MGAT5B: variants seen among roughly 807,000 people sequenced by gnomAD.
MGAT5B encodes alpha-1,6-mannosylglycoprotein 6-beta-N-acetylglucosaminyltransferase B.
A neutral mutation model predicts 95.1 loss-of-function variants in MGAT5B; 54 were observed. The observed-to-expected ratio is 0.57, with a 90% CI of 0.46 to 0.71. The LOEUF (loss-of-function observed/expected upper bound fraction) is 0.71, where lower values mean the gene tolerates loss of function less well. Among genes scored for constraint, MGAT5B ranks in the 30% least tolerant of loss-of-function variants. The probability of loss-of-function intolerance (pLI) is 0.00; values close to 1 mark genes in which losing one functional copy is unlikely to be tolerated. For synonymous variants in MGAT5B, 464 were observed against 451.0 expected (o/e 1.03, Z -0.36); for missense variants, 935 against 1,088.6 (o/e 0.86, Z 1.99).
intron 3 of MGAT5B, among the ~76,000 whole-genome samples, chr17:76,899,200 T>C (rs966495829): frequency 3.3e-5 from 5 of 152,178 alleles, no homozygotes; most frequent in Non-Finnish European, 4.4e-5. Context: ...GTTTGTGCCC[T>C]GGGGTCTCTG....
At chr17:76,891,967 G>C (rs1239717526) in intron 3 of MGAT5B, among the ~76,000 whole-genome samples, 5 of 152,176 alleles carry the variant, frequency 3.3e-5, no homozygotes, top group Non-Finnish European at 4.4e-5. Flanking sequence ...AGGGCAGGGG[G>C]CTTCCTGGAG....
chr17:76,933,249 G>T, intron 11 of MGAT5B, 43 bp from the exon 12 acceptor site: 1 of 1,597,974 alleles, frequency 6.3e-7, no homozygotes, highest in Non-Finnish European at 8.5e-7. Context: ...CTAACCTGCT[G>T]TCTCTCTCTC....
chr17:76,948,895 AAG>A lies in MGAT5B; in HGVS notation c.*58_*59del. 6.7e-7 allele frequency: 1 copy of A among 1,493,792 alleles called. No homozygotes were observed. The highest frequency in any genetic ancestry group is 9.0e-7 in the Non-Finnish European group (1 of 1,113,114). The allele number at this position is 1,493,792 out of a possible 1,614,324, so 92.5% of individuals were successfully genotyped here. On this transcript the variant is annotated 3_prime_UTR_variant, in exon 18 of 18. Coordinates refer to ENST00000569840, the MANE Select transcript of MGAT5B (RefSeq NM_001199172.2). Reference sequence around the variant, plus strand: ...GCTGGCTCTCTCCTGCCGCGGGAGAAAGCACCAGCAGGTTCTGAGCCCTGGCT... The same window carrying A: ...GCTGGCTCTCTCCTGCCGCGGGAGAACACCAGCAGGTTCTGAGCCCTGGCT...
chr17:76,941,051 A>C (rs1328931792), intron 15 of MGAT5B, among the ~76,000 whole-genome samples: 3 of 152,184 alleles, frequency 2.0e-5, no homozygotes, highest in Admixed American at 2.0e-4. Context: ...CCATTCATCT[A>C]CTCAGGTGTG....
At chr17:76,873,663 C>CT (rs138270634) in intron 2 of MGAT5B, among the ~76,000 whole-genome samples, 11,150 of 152,294 alleles carry the variant, frequency 0.073, 507 homozygotes, top group South Asian at 0.18. Flanking sequence ...GGGAGCCCTC[C>CT]TCCTGAAGCT....
chr17:76,885,955 A>G (rs889780835), intron 3 of MGAT5B, among the ~76,000 whole-genome samples: 9 of 152,182 alleles, frequency 5.9e-5, no homozygotes, highest in Non-Finnish European at 1.3e-4. Flanking sequence ...GTGGCTTAAA[A>G]AAAACACGTC....
intron 3 of MGAT5B, among the ~76,000 whole-genome samples, chr17:76,884,812 C>T (rs1175320446): frequency 6.6e-6 from 1 of 152,100 alleles, no homozygotes; most frequent in African/African-American, 2.4e-5. Context: ...CCATGTTGGC[C>T]AGGATGGTCT....
At chr17:76,880,782 T>C (rs1967382751) in intron 2 of MGAT5B, among the ~76,000 whole-genome samples, 1 of 152,142 alleles carries the variant, frequency 6.6e-6, no homozygotes, top group Non-Finnish European at 1.5e-5. Flanking sequence ...AGGGCTAAGG[T>C]TGGGCGCCCG....
At chr17:76,935,022 A>C (rs934380309) in intron 12 of MGAT5B, among the ~76,000 whole-genome samples, 1 of 152,182 alleles carries the variant, frequency 6.6e-6, no homozygotes, top group Non-Finnish European at 1.5e-5. Flanking sequence ...CTTTGTGCTA[A>C]GCGGGTCTGT....
At chr17:76,886,111 A>G (rs190945863) in intron 3 of MGAT5B, among the ~76,000 whole-genome samples, 4 of 152,346 alleles carry the variant, frequency 2.6e-5, no homozygotes, top group African/African-American at 9.6e-5. Flanking sequence ...GCATCGTATT[A>G]TGTATCCTCA....
chr17:76,912,761 G>A lies in MGAT5B; in HGVS notation c.1025+6574G>A, dbSNP rs1461556787. ...ACGAGGGAGCCGTGCGCTCTGTGAT[G>A]AGACTGCAGCAAGGTGATGTCAGCC... On this transcript the variant is annotated intron_variant, in intron 8 of 17. Transcript: ENST00000569840. This position sits in a 1 kb window ranked among gnomAD's most constrained non-coding sequence, Gnocchi z 5.0. Among the ~76,000 whole-genome samples the A allele has an allele frequency of 6.6e-6, 1 of 152,180 alleles. No individual in the cohort carries two copies. The highest frequency in any genetic ancestry group is 1.5e-5 in the Non-Finnish European group (1 of 68,046).
At chr17:76,901,129 G>A (rs1022922526) in intron 3 of MGAT5B, among the ~76,000 whole-genome samples, 1 of 152,210 alleles carries the variant, frequency 6.6e-6, no homozygotes, top group Admixed American at 6.5e-5. Context: ...CTTAGGAAAG[G>A]TGGAGGTGGG....
chr17:76,909,398 C>T (rs895106305), intron 8 of MGAT5B, among the ~76,000 whole-genome samples: 1 of 152,210 alleles, frequency 6.6e-6, no homozygotes, highest in African/African-American at 2.4e-5. Context: ...CCTTCAGGGC[C>T]CCAGAACTGT....
chr17:76,890,545 C>T (rs2145155817), intron 3 of MGAT5B, among the ~76,000 whole-genome samples: 1 of 152,292 alleles, frequency 6.6e-6, no homozygotes, highest in Non-Finnish European at 1.5e-5. Context: ...CCTCTGTTGC[C>T]CAGACTGGAG....
At chr17:76,880,746 T>TGAGA (rs1967381356) in intron 2 of MGAT5B, among the ~76,000 whole-genome samples, 1 of 151,958 alleles carries the variant, frequency 6.6e-6, no homozygotes, top group African/African-American at 2.4e-5. Flanking sequence ...TGCAGTGTGT[T>TGAGA]CTACATGGTC....
At position 76,917,692 on chromosome 17, in the gene MGAT5B, A is replaced by C. The variant is rs1282148469; in HGVS notation, c.1026-7274A>C. ...GGGATTGACAGCGGAGTCTTACCCCAAGGTCCCTGCACAGGTTGGTTCTCA... is the reference window on the plus strand; with the variant it reads ...GGGATTGACAGCGGAGTCTTACCCCCAGGTCCCTGCACAGGTTGGTTCTCA... On this transcript the variant is annotated intron_variant, in intron 8 of 17. Transcript: ENST00000569840. This position sits in a 1 kb window ranked among gnomAD's most constrained non-coding sequence, Gnocchi z 6.1. Among the ~76,000 whole-genome samples, 1 of 151,962 alleles carries C rather than the reference A, an allele frequency of 6.6e-6. No homozygotes were observed. Among genetic ancestry groups the C allele is most frequent in the African/African-American group, 2.4e-5 (1 of 41,364 alleles).
chr17:76,884,763 C>A (rs1967562399), intron 3 of MGAT5B, among the ~76,000 whole-genome samples: 1 of 152,112 alleles, frequency 6.6e-6, no homozygotes. Flanking sequence ...GCCACCACAC[C>A]CAGCTAATTT....
In MGAT5B at chr17:76,869,988, T is replaced by G. The variant is rs941553993; in HGVS notation, c.68+891T>G. Among the ~76,000 whole-genome samples the G allele has an allele frequency of 2.9e-4, 44 of 151,970 alleles. No homozygotes were observed. The highest frequency in any genetic ancestry group is 9.2e-4 in the African/African-American group (38 of 41,350). ...CAGTGGACGCCCGGCGGGGCCCGAG[T>G]GTCACCCCGTGGGTAGCTGGGCAGC... is the stretch of plus-strand genomic sequence containing the variant. On this transcript the variant is annotated intron_variant, in intron 1 of 17. Transcript: ENST00000569840. The surrounding 1 kb of genome is among the most constrained non-coding windows in gnomAD (Gnocchi z 7.0).
intron 2 of MGAT5B, among the ~76,000 whole-genome samples, chr17:76,874,290 A>G (rs1967106850): frequency 6.6e-6 from 1 of 152,138 alleles, no homozygotes; most frequent in African/African-American, 2.4e-5. Flanking sequence ...CACTCCATCA[A>G]TACTTAATGG....
Sources: gnomAD v4.1 joint callset for allele counts (sites outside exome capture counted in the v4.1 genomes callset) on GRCh38, gnomAD v4.1.1 for gene constraint, Gnocchi (gnomAD v3.1) non-coding constraint, MANE v1.5 for transcripts, NCBI Gene and HGNC (gene_info 2026-07-23, HGNC 2026-07-21) for gene names.